The following SYNDIG1L variants were observed in gnomAD, a reference collection of about 807,000 sequenced individuals.
SYNDIG1L encodes synapse differentiation-inducing gene protein 1-like.
SYNDIG1L carries 13 observed loss-of-function variants against 20.1 expected under a neutral mutation model. The observed-to-expected ratio is 0.65, with a 90% confidence interval of 0.42 to 1.03. The LOEUF (loss-of-function observed/expected upper bound fraction) is 1.03, where lower values mean the gene tolerates loss of function less well. SYNDIG1L is among the 50% of genes least tolerant of loss of function. The pLI is 0.00. For missense variants in SYNDIG1L, 294 were observed against 305.1 expected, an observed-to-expected ratio of 0.96 and a Z score of 0.27; for synonymous variants, 128 against 129.3, an observed-to-expected ratio of 0.99 and a Z score of 0.07.
chr14:74,456,604 C>T, the SYNDIG1L span, among the ~76,000 whole-genome samples: 1 of 152,120 alleles, frequency 6.6e-6, no homozygotes, highest in Non-Finnish European at 1.5e-5. Flanking sequence ...TTTTAAATTT[C>T]CATTTCCTTT....
chr14:74,408,486 C>G lies in SYNDIG1L; in HGVS notation c.418-497G>C, dbSNP rs528903233. Among the ~76,000 whole-genome samples, 23 of 151,670 alleles carry G rather than the reference C, an allele frequency of 1.5e-4. 1 individual carries two copies. In the South Asian group the frequency reaches 4.4e-3, roughly 29 times the overall value. On this transcript the variant is annotated intron_variant, in intron 2 of 3. Transcript: ENST00000331628. ...GGCTGAGGCAGGAGAATTGCCTGAA[C>G]CTGGGAGGCGGGGGTTGCAGTGAGC...
At chr14:74,427,171 G>C (rs1215058201), upstream of SYNDIG1L, among the ~76,000 whole-genome samples, 6 of 142,618 alleles carry the variant, frequency 4.2e-5, no homozygotes, top group Non-Finnish European at 9.0e-5. Context: ...GTTACCAGTG[G>C]ATGAACCTAT....
At chr14:74,468,078 G>A in the SYNDIG1L span, among the ~76,000 whole-genome samples, 5 of 152,058 alleles carry the variant, frequency 3.3e-5, no homozygotes, top group African/African-American at 7.2e-5. Flanking sequence ...AGCTGGGCCC[G>A]CCAAACTCCT....
chr14:74,456,305 G>A, the SYNDIG1L span, among the ~76,000 whole-genome samples: 2 of 152,208 alleles, frequency 1.3e-5, no homozygotes, highest in Non-Finnish European at 2.9e-5. Context: ...CAAGGCAGGT[G>A]TATCACCTGA....
chr14:74,440,146 G>A, the SYNDIG1L span, among the ~76,000 whole-genome samples: 1 of 151,962 alleles, frequency 6.6e-6, no homozygotes, highest in Admixed American at 6.6e-5. Flanking sequence ...TTGGGAGGCC[G>A]ATGCGGGCAG....
chr14:74,427,020 T>C (rs1004859666), upstream of SYNDIG1L, among the ~76,000 whole-genome samples: 5 of 151,848 alleles, frequency 3.3e-5, no homozygotes, highest in Non-Finnish European at 5.9e-5. Context: ...AGCGTCCCCC[T>C]GAGTTTTCCC....
chr14:74,442,273 A>C, the SYNDIG1L span, among the ~76,000 whole-genome samples: 1 of 152,188 alleles, frequency 6.6e-6, no homozygotes, highest in African/African-American at 2.4e-5. Context: ...AATATTAACA[A>C]AATTAAGATG....
At chr14:74,415,952 A>G (rs572109057) in intron 1 of SYNDIG1L, among the ~76,000 whole-genome samples, 1 of 152,346 alleles carries the variant, frequency 6.6e-6, no homozygotes, top group South Asian at 2.1e-4. Context: ...TGTAAATGGA[A>G]TAAAATTGCC....
At chr14:74,421,806 C>T (rs1350175340) in intron 1 of SYNDIG1L, among the ~76,000 whole-genome samples, 3 of 152,098 alleles carry the variant, frequency 2.0e-5, no homozygotes, top group African/African-American at 7.2e-5. Context: ...ATGGGGGAAC[C>T]TGGGAAAGAC....
chr14:74,442,707 G>A, the SYNDIG1L span, among the ~76,000 whole-genome samples: 6 of 152,150 alleles, frequency 3.9e-5, no homozygotes, highest in South Asian at 2.1e-4. Context: ...CCACTACTAC[G>A]GTTCAAATGA....
chr14:74,477,318 C>G, the SYNDIG1L span, among the ~76,000 whole-genome samples: 1 of 152,256 alleles, frequency 6.6e-6, no homozygotes, highest in African/African-American at 2.4e-5. Context: ...TAACCCTGTC[C>G]TTGTACCAAC....
chr14:74,473,815 G>C, the SYNDIG1L span, among the ~76,000 whole-genome samples: 2 of 152,342 alleles, frequency 1.3e-5, no homozygotes, highest in Admixed American at 1.3e-4. Flanking sequence ...TGATGATCAG[G>C]ATGACACAAG....
chr14:74,427,863 C>T (rs1470952561), upstream of SYNDIG1L, among the ~76,000 whole-genome samples: 4 of 152,242 alleles, frequency 2.6e-5, no homozygotes, highest in Non-Finnish European at 5.9e-5. Flanking sequence ...GCCTTCCTCT[C>T]ACAGGGGCTC....
At position 74,406,153 on chromosome 14, in the gene SYNDIG1L, C is replaced by A. The variant is rs2569; in HGVS notation, c.*1382G>T. Reference sequence around the variant, plus strand: ...CCACATTGGTGCTGCCCCCCGCCTACCTGGAGATGTCTCTAAAATTCTGGA... The same window carrying A: ...CCACATTGGTGCTGCCCCCCGCCTAACTGGAGATGTCTCTAAAATTCTGGA... On this transcript the variant is annotated 3_prime_UTR_variant, in exon 4 of 4. Transcript: ENST00000331628. The A allele has an allele frequency of 3.8e-3, 1,497 of 398,844 alleles. 20 individuals carry two copies. The highest frequency in any genetic ancestry group is 0.028 in the African/African-American group (1,344 of 48,692). The allele number at this position is 398,844 out of a possible 1,614,324, so 24.7% of individuals were successfully genotyped here.
intron 1 of SYNDIG1L, among the ~76,000 whole-genome samples, chr14:74,416,680 AG>A (rs200012499): frequency 0.012 from 1,851 of 152,310 alleles, 13 homozygotes; most frequent in Middle Eastern, 0.024. Context: ...CAAAAAAGAT[AG>A]ATTGGACTTA....
intron 1 of SYNDIG1L, among the ~76,000 whole-genome samples, chr14:74,418,947 C>T (rs1007536091): frequency 3.9e-5 from 6 of 152,198 alleles, no homozygotes; most frequent in Admixed American, 1.3e-4. Context: ...TCTGACCCTC[C>T]GAAGTCGTGA....
At chr14:74,424,427 T>TG (rs2086249131) in intron 1 of SYNDIG1L, among the ~76,000 whole-genome samples, 1 of 150,592 alleles carries the variant, frequency 6.6e-6, no homozygotes, top group South Asian at 2.1e-4. Context: ...CAGGTGCTGT[T>TG]GGGGAGGGGG....
At chr14:74,416,555 G>C (rs893863217) in intron 1 of SYNDIG1L, among the ~76,000 whole-genome samples, 1 of 152,122 alleles carries the variant, frequency 6.6e-6, no homozygotes, top group African/African-American at 2.4e-5. Context: ...GATCGCTTGA[G>C]GCCAGGAGGT....
the SYNDIG1L span, among the ~76,000 whole-genome samples, chr14:74,458,885 C>T: frequency 1.3e-5 from 2 of 152,060 alleles, no homozygotes; most frequent in African/African-American, 4.8e-5. Flanking sequence ...TCCACTTTTC[C>T]CTGCACCCTC....
Sources: gnomAD v4.1 joint callset for allele counts (sites outside exome capture counted in the v4.1 genomes callset) on GRCh38, gnomAD v4.1.1 for gene constraint, MANE v1.5 for transcripts, NCBI Gene and HGNC (gene_info 2026-07-23, HGNC 2026-07-21) for gene names.